PEX5L: variants seen among roughly 807,000 people sequenced by gnomAD.
PEX5L encodes PEX5-related protein.
PEX5L carries 30 observed loss-of-function variants against 84.0 expected under a neutral mutation model. The observed-to-expected ratio is 0.36, with a 90% CI of 0.27 to 0.48. The LOEUF is 0.48. Among genes scored for constraint, PEX5L ranks in the 20% least tolerant of loss-of-function variants. The pLI, the probability that PEX5L is intolerant of heterozygous loss-of-function variation, is 0.99. For missense variants in PEX5L, 533 were observed against 754.6 expected (o/e 0.71, Z 3.44); for synonymous variants, 270 against 283.1 (o/e 0.95, Z 0.46).
intron 2 of PEX5L, among the ~76,000 whole-genome samples, chr3:179,956,456 T>G (rs1780578325): frequency 1.3e-5 from 2 of 152,184 alleles, no homozygotes; most frequent in African/African-American, 4.8e-5. Flanking sequence ...TGGTAACCAC[T>G]TCATACAAGT....
At chr3:179,943,235 C>T (rs2109833725) in intron 2 of PEX5L, among the ~76,000 whole-genome samples, 1 of 152,362 alleles carries the variant, frequency 6.6e-6, no homozygotes, top group South Asian at 2.1e-4. Flanking sequence ...TCAGCATTTG[C>T]ACTGTATGAA....
chr3:179,954,522 T>TTTTG (rs1184190642), intron 2 of PEX5L, among the ~76,000 whole-genome samples: 2 of 152,160 alleles, frequency 1.3e-5, no homozygotes, highest in East Asian at 1.9e-4. Context: ...GGGACCTTTT[T>TTTTG]TTTGTTTGTT....
At chr3:179,847,596 T>C (rs369310047) in intron 8 of PEX5L, among the ~76,000 whole-genome samples, 1 of 152,192 alleles carries the variant, frequency 6.6e-6, no homozygotes, top group African/African-American at 2.4e-5. Flanking sequence ...TCCTGAATGG[T>C]TGTGTATTTG....
At chr3:179,933,128 G>A (rs1237581394) in intron 2 of PEX5L, among the ~76,000 whole-genome samples, 1 of 152,072 alleles carries the variant, frequency 6.6e-6, no homozygotes, top group African/African-American at 2.4e-5. Context: ...TTCTGCACCC[G>A]GCCTATTTCA....
chr3:179,977,900 G>A (rs1470110158), intron 1 of PEX5L, among the ~76,000 whole-genome samples: 3 of 152,096 alleles, frequency 2.0e-5, no homozygotes, highest in South Asian at 2.1e-4. Context: ...ATCATGCTAC[G>A]GTAAAAGAGA....
intron 2 of PEX5L, among the ~76,000 whole-genome samples, chr3:179,947,661 A>G (rs2109904576): frequency 6.6e-6 from 1 of 152,072 alleles, no homozygotes; most frequent in Admixed American, 6.5e-5. Context: ...GTAGTTGCCA[A>G]ATTTTAAAAA....
At chr3:179,840,658 G>A (rs1736899361) in intron 8 of PEX5L, among the ~76,000 whole-genome samples, 2 of 152,162 alleles carry the variant, frequency 1.3e-5, no homozygotes, top group South Asian at 2.1e-4. Flanking sequence ...TATGGATTAA[G>A]GTTTGAGCAG....
chr3:179,973,519 C>A, intron 1 of PEX5L: 1 of 958,052 alleles, frequency 1.0e-6, no homozygotes, highest in Non-Finnish European at 1.2e-6. Context: ...AAAAAATCTA[C>A]CTATTTTAAA....
At chr3:179,937,068 C>CATAT (rs149871575) in intron 2 of PEX5L, among the ~76,000 whole-genome samples, 3 of 149,636 alleles carry the variant, frequency 2.0e-5, no homozygotes, top group Admixed American at 6.7e-5. Flanking sequence ...TTGTGCCCCT[C>CATAT]ATATATATAT....
At chr3:179,928,375 T>G (rs1357359452) in intron 2 of PEX5L, among the ~76,000 whole-genome samples, 1 of 152,166 alleles carries the variant, frequency 6.6e-6, no homozygotes, top group Non-Finnish European at 1.5e-5. Context: ...CCCATCCCTT[T>G]TGGAGGAGGT....
chr3:179,938,976 G>C (rs1775343989), intron 2 of PEX5L, among the ~76,000 whole-genome samples: 2 of 152,174 alleles, frequency 1.3e-5, no homozygotes, highest in Admixed American at 6.5e-5. Flanking sequence ...TCTTCACAAG[G>C]AGCATAAAAC....
At position 179,932,446 on chromosome 3, in the gene PEX5L, C is replaced by T. The variant is rs1773369428; in HGVS notation, c.94-34200G>A. Among the ~76,000 whole-genome samples the T allele has an allele frequency of 2.0e-5, 3 of 152,036 alleles. No homozygotes were observed. The South Asian group carries it at 6.2e-4, about 32-fold the overall frequency. On this transcript the variant is annotated intron_variant, in intron 2 of 14. Transcript: ENST00000467460. The stretch of plus-strand genomic sequence containing the variant: ...CAAAAAAGTCCCAAACAAAACAACC[C>T]TACCTCCCCAGAAAAGATCTATCTT...
At chr3:179,824,688 C>G (rs1729738381) in intron 8 of PEX5L, among the ~76,000 whole-genome samples, 2 of 108,408 alleles carry the variant, frequency 1.8e-5, no homozygotes, top group Non-Finnish European at 3.4e-5. Context: ...CCTGGGCAAT[C>G]AGAGTGAAAC....
At chr3:179,980,074 C>T (rs1325184871) in intron 1 of PEX5L, among the ~76,000 whole-genome samples, 1 of 152,172 alleles carries the variant, frequency 6.6e-6, no homozygotes, top group African/African-American at 2.4e-5. Context: ...TGTATCCTCA[C>T]TTAATTTTCC....
chr3:180,024,036 T>C (rs922182740), intron 1 of PEX5L, among the ~76,000 whole-genome samples: 8 of 152,062 alleles, frequency 5.3e-5, no homozygotes, highest in African/African-American at 1.9e-4. Flanking sequence ...TGGGATTGTG[T>C]TCCCCAGGAA....
At chr3:180,005,690 C>T (rs1788823144) in intron 1 of PEX5L, among the ~76,000 whole-genome samples, 2 of 151,622 alleles carry the variant, frequency 1.3e-5, no homozygotes, top group South Asian at 2.1e-4. Flanking sequence ...GATAGCGCCA[C>T]TGCACTCCAG....
At chr3:180,029,867 C>T (rs1185696474) in intron 1 of PEX5L, among the ~76,000 whole-genome samples, 1 of 152,186 alleles carries the variant, frequency 6.6e-6, no homozygotes. Context: ...TATATCCCTA[C>T]ATGATCAGCA....
chr3:179,934,502 T>C (rs1211938148), intron 2 of PEX5L, among the ~76,000 whole-genome samples: 1 of 152,206 alleles, frequency 6.6e-6, no homozygotes, highest in Non-Finnish European at 1.5e-5. Flanking sequence ...CCTTATTTTG[T>C]GGGTGAGGTC....
chr3:179,896,619 A>C (rs886548620), intron 3 of PEX5L, among the ~76,000 whole-genome samples: 4 of 152,156 alleles, frequency 2.6e-5, no homozygotes, highest in African/African-American at 9.6e-5. Context: ...TGATTTTGTG[A>C]AAAAAGAATC....
Sources: gnomAD v4.1 joint callset for allele counts (sites outside exome capture counted in the v4.1 genomes callset) on GRCh38, gnomAD v4.1.1 for gene constraint, MANE v1.5 for transcripts, NCBI Gene and HGNC (gene_info 2026-07-23, HGNC 2026-07-21) for gene names.